The following OLA1 variants were observed in gnomAD, a reference collection of about 807,000 sequenced individuals.
OLA1 encodes obg-like ATPase 1.
OLA1 carries 14 observed loss-of-function variants against 48.4 expected under a neutral mutation model. The observed-to-expected ratio is 0.29, with a 90% CI of 0.19 to 0.45. The LOEUF is 0.45. Among genes scored for constraint, OLA1 ranks in the 20% least tolerant of loss-of-function variants. The pLI, the probability that OLA1 is intolerant of heterozygous loss-of-function variation, is 1.00. For synonymous variants in OLA1, 127 were observed against 150.4 expected, an observed-to-expected ratio of 0.84 and a Z score of 1.14; for missense variants, 325 against 467.1, an observed-to-expected ratio of 0.70 and a Z score of 2.80.
At chr2:174,151,526 C>T (rs1410649148) in intron 4 of OLA1, among the ~76,000 whole-genome samples, 1 of 152,046 alleles carries the variant, frequency 6.6e-6, no homozygotes, top group Non-Finnish European at 1.5e-5. Context: ...AGGTTAGGGG[C>T]CAGATTCCTA....
At chr2:174,232,096 T>G (rs1688740990) in intron 2 of OLA1, among the ~76,000 whole-genome samples, 1 of 152,066 alleles carries the variant, frequency 6.6e-6, no homozygotes, top group Non-Finnish European at 1.5e-5. Context: ...CAATGATAGA[T>G]AGCATTAAAA....
At chr2:174,203,700 G>C (rs528253521) in intron 4 of OLA1, among the ~76,000 whole-genome samples, 1 of 152,002 alleles carries the variant, frequency 6.6e-6, no homozygotes, top group Non-Finnish European at 1.5e-5. Context: ...AGGGTAAATA[G>C]ATGCTTTGTT....
chr2:174,163,036 T>A (rs1574519732), intron 4 of OLA1, among the ~76,000 whole-genome samples: 1 of 151,964 alleles, frequency 6.6e-6, no homozygotes, highest in African/African-American at 2.4e-5. Flanking sequence ...AGAGTGAGAC[T>A]GTCTCAAACA....
intron 4 of OLA1, among the ~76,000 whole-genome samples, chr2:174,169,471 A>T (rs1176258835): frequency 2.6e-5 from 4 of 152,234 alleles, no homozygotes; most frequent in African/African-American, 9.6e-5. Context: ...TGACTTTTTC[A>T]TTAGAAATTA....
chr2:174,188,837 A>T (rs1190263182), intron 4 of OLA1, among the ~76,000 whole-genome samples: 1 of 152,228 alleles, frequency 6.6e-6, no homozygotes, highest in Non-Finnish European at 1.5e-5. Context: ...TCATGTTTAG[A>T]CTTGGGTCCC....
At position 174,099,167 on chromosome 2, in the gene OLA1, T is replaced by A. The variant is rs188700569; in HGVS notation, c.729-17103A>T. The stretch of plus-strand genomic sequence containing the variant: ...GACTTTGTTATTTTATTTATTTTTT[T>A]TTTTTTTGAGACGGAGTCTCGCTCT... On this transcript the variant is annotated intron_variant, in intron 7 of 10. Transcript: ENST00000284719. Among the ~76,000 whole-genome samples the A allele has an allele frequency of 4.6e-3, 702 of 152,100 alleles. 7 individuals carry two copies. Among genetic ancestry groups the A allele is most frequent in the African/African-American group, 0.016 (646 of 41,538 alleles).
At chr2:174,217,867 T>A (rs1688402527) in intron 4 of OLA1, 1 of 152,244 alleles carries the variant, frequency 6.6e-6, no homozygotes, top group South Asian at 2.1e-4. Context: ...TAATGCTGCA[T>A]CTACCTGCTA....
chr2:174,202,878 CA>C (rs1312829395), intron 4 of OLA1, among the ~76,000 whole-genome samples: 3 of 152,174 alleles, frequency 2.0e-5, no homozygotes, highest in East Asian at 3.9e-4. Flanking sequence ...GGCTTCTGCT[CA>C]ACAGTAGAGA....
intron 4 of OLA1, among the ~76,000 whole-genome samples, chr2:174,159,816 C>CTAAA (rs1686971851): frequency 6.7e-6 from 1 of 150,260 alleles, no homozygotes. Flanking sequence ...GAACACCAGA[C>CTAAA]TAAAGCCTTG....
At chr2:174,101,209 T>C (rs749021387) in intron 7 of OLA1, among the ~76,000 whole-genome samples, 2 of 152,236 alleles carry the variant, frequency 1.3e-5, no homozygotes, top group Non-Finnish European at 2.9e-5. Flanking sequence ...TTTTAGCCAT[T>C]CTATTAAGTA....
chr2:174,240,009 C>G (rs929171993), intron 2 of OLA1: 3 of 151,926 alleles, frequency 2.0e-5, no homozygotes, highest in African/African-American at 7.3e-5. Flanking sequence ...TGATTTTGAT[C>G]ATTGTATTAT....
rs112307256 is a variant in OLA1 at position 174,149,261 on chromosome 2, G to A, written c.374-7261C>T. Among the ~76,000 whole-genome samples the A allele has an allele frequency of 5.4e-3, 829 of 152,270 alleles. 4 individuals are homozygous for A. The highest frequency in any genetic ancestry group is 8.5e-3 in the Non-Finnish European group (575 of 68,020). On this transcript the variant is annotated intron_variant, in intron 4 of 10. Transcript: ENST00000284719. ...CCACTCAGTAGCACCTAACTTCAGA[G>A]CACTGAAATAGTAGTCTCTTTCATT... is the stretch of plus-strand genomic sequence containing the variant.
intron 4 of OLA1, among the ~76,000 whole-genome samples, chr2:174,174,621 G>A (rs1035231352): frequency 3.3e-5 from 5 of 151,964 alleles, no homozygotes; most frequent in Non-Finnish European, 5.9e-5. Context: ...ATATGTGTAA[G>A]ATTTGTATTC....
At chr2:174,084,333 C>T (rs1399528155) in intron 7 of OLA1, among the ~76,000 whole-genome samples, 2 of 152,166 alleles carry the variant, frequency 1.3e-5, no homozygotes, top group African/African-American at 2.4e-5. Flanking sequence ...AGCACTCTCC[C>T]GTAAAGTGAG....
At chr2:174,226,739 T>A (rs913126642) in intron 3 of OLA1, among the ~76,000 whole-genome samples, 3 of 152,258 alleles carry the variant, frequency 2.0e-5, no homozygotes, top group South Asian at 4.1e-4. Context: ...CCTCAGGTGA[T>A]CTTCCCACCT....
intron 2 of OLA1, among the ~76,000 whole-genome samples, chr2:174,232,056 G>A (rs1688739964): frequency 6.6e-6 from 1 of 152,132 alleles, no homozygotes; most frequent in African/African-American, 2.4e-5. Context: ...TTTCTCTCAT[G>A]CAAGAATGGG....
intron 4 of OLA1, among the ~76,000 whole-genome samples, chr2:174,179,214 G>A (rs893196290): frequency 4.6e-5 from 7 of 151,014 alleles, no homozygotes; most frequent in East Asian, 1.9e-4. Flanking sequence ...AAAAAAAAAC[G>A]TGCTAACGAA....
intron 4 of OLA1, among the ~76,000 whole-genome samples, chr2:174,180,205 T>C (rs962183151): frequency 1.1e-4 from 17 of 152,156 alleles, no homozygotes; most frequent in Non-Finnish European, 4.4e-5. Context: ...TAAAATATAG[T>C]TTGTTATAAA....
At chr2:174,095,343 T>TG (rs1685227948) in intron 7 of OLA1, among the ~76,000 whole-genome samples, 1 of 124,360 alleles carries the variant, frequency 8.0e-6, no homozygotes, top group South Asian at 2.6e-4. Flanking sequence ...TTTTTTTTTT[T>TG]TTTTTTGTTG....
Sources: gnomAD v4.1 joint callset for allele counts (sites outside exome capture counted in the v4.1 genomes callset) on GRCh38, gnomAD v4.1.1 for gene constraint, MANE v1.5 for transcripts, NCBI Gene and HGNC (gene_info 2026-07-23, HGNC 2026-07-21) for gene names.